RAB33B: variants seen among roughly 807,000 people sequenced by gnomAD.
RAB33B encodes the protein ras-related protein Rab-33B.
RAB33B carries 6 observed loss-of-function variants against 15.0 expected under a neutral mutation model. The observed-to-expected ratio is 0.40, with a 90% CI of 0.22 to 0.79. The LOEUF (loss-of-function observed/expected upper bound fraction) is 0.79. Ranked by LOEUF, RAB33B falls within the 30% of genes least tolerant of loss-of-function variation. RAB33B has a pLI of 0.37. For synonymous variants in RAB33B, 117 were observed against 108.3 expected, an observed-to-expected ratio of 1.08 and a Z score of -0.50; for missense variants, 257 against 296.4, an observed-to-expected ratio of 0.87 and a Z score of 0.98.
intron 1 of RAB33B, among the ~76,000 whole-genome samples, chr4:139,459,470 G>T (rs1750128881): frequency 6.6e-6 from 1 of 152,014 alleles, no homozygotes; most frequent in Non-Finnish European, 1.5e-5. Flanking sequence ...CACACCTCCA[G>T]TCAGCTTCCT....
the RAB33B span, among the ~76,000 whole-genome samples, chr4:139,442,749 G>A: frequency 2.6e-5 from 4 of 152,106 alleles, no homozygotes; most frequent in Admixed American, 1.3e-4. Flanking sequence ...TTGTGATGGT[G>A]TGAGTTAAAA....
intron 1 of RAB33B, among the ~76,000 whole-genome samples, chr4:139,471,714 C>T (rs550664927): frequency 4.1e-4 from 62 of 152,152 alleles, no homozygotes; most frequent in Non-Finnish European, 5.6e-4. Flanking sequence ...GCTGAGCTAC[C>T]GCATCTGGCT....
At chr4:139,459,795 C>G (rs1178519036) in intron 1 of RAB33B, among the ~76,000 whole-genome samples, 1 of 151,958 alleles carries the variant, frequency 6.6e-6, no homozygotes, top group Non-Finnish European at 1.5e-5. Context: ...CACCCCACCC[C>G]GCTAATTTTT....
Position 139,473,378 on chromosome 4 carries a change from C to A in RAB33B, c.*252C>A. 2.2e-6 allele frequency: 1 copy of A among 457,848 alleles called. No homozygotes were observed. Among genetic ancestry groups the A allele is most frequent in the Non-Finnish European group, 3.8e-6 (1 of 259,810 alleles). 28.4% of individuals were successfully genotyped at this position (457,848 alleles called of 1,614,324 possible). A position where few individuals can be genotyped will look rare whatever the true frequency, so the allele number is the denominator to read the frequency against. On this transcript the variant is annotated 3_prime_UTR_variant, in exon 2 of 2. Coordinates refer to ENST00000305626, the MANE Select transcript of RAB33B (RefSeq NM_031296.3). The stretch of plus-strand genomic sequence containing the variant: ...TCTGAACATCTCTCCATCTAGAGCC[C>A]AATGAAGGAAGCTTCAAATGAGAAC...
At chr4:139,470,113 A>G (rs758409002) in intron 1 of RAB33B, among the ~76,000 whole-genome samples, 1 of 152,246 alleles carries the variant, frequency 6.6e-6, no homozygotes. Flanking sequence ...AAAGCCAGCC[A>G]GGCCTGTGTC....
chr4:139,442,813 C>A, the RAB33B span, among the ~76,000 whole-genome samples: 3 of 152,112 alleles, frequency 2.0e-5, no homozygotes, highest in East Asian at 5.8e-4. Flanking sequence ...TCCATTAGTT[C>A]TTTCCCTCTA....
intron 1 of RAB33B, among the ~76,000 whole-genome samples, chr4:139,471,432 CTG>C (rs1299644607): frequency 6.6e-6 from 1 of 151,852 alleles, no homozygotes; most frequent in Non-Finnish European, 1.5e-5. Flanking sequence ...CAATTCAGGA[CTG>C]TTTTTTCTAT....
upstream of RAB33B, chr4:139,453,652 A>C (rs924295162): frequency 6.6e-6 from 1 of 151,702 alleles, no homozygotes; most frequent in African/African-American, 2.4e-5. Context: ...GCCGGAACCG[A>C]CCCGACGCCG....
chr4:139,458,898 C>G (rs889259035), intron 1 of RAB33B, among the ~76,000 whole-genome samples: 4 of 152,216 alleles, frequency 2.6e-5, no homozygotes, highest in African/African-American at 9.6e-5. Context: ...TGTCTTTTCT[C>G]TGCAACTTTG....
At chr4:139,471,411 G>C (rs957697029) in intron 1 of RAB33B, among the ~76,000 whole-genome samples, 1 of 152,126 alleles carries the variant, frequency 6.6e-6, no homozygotes, top group Admixed American at 6.5e-5. Context: ...GGTGCAGGGG[G>C]TGGGTGTTGG....
chr4:139,448,042 A>C, the RAB33B span, among the ~76,000 whole-genome samples: 1 of 152,222 alleles, frequency 6.6e-6, no homozygotes, highest in Non-Finnish European at 1.5e-5. Flanking sequence ...TGGACCATCA[A>C]GATGAAATCA....
chr4:139,472,159 G>A (rs955944203), intron 1 of RAB33B, among the ~76,000 whole-genome samples: 1 of 152,080 alleles, frequency 6.6e-6, no homozygotes, highest in Admixed American at 6.5e-5. Flanking sequence ...TCTATGTTGA[G>A]CATTTTTATT....
chr4:139,443,939 C>T, the RAB33B span, among the ~76,000 whole-genome samples: 2 of 152,168 alleles, frequency 1.3e-5, no homozygotes, highest in Admixed American at 6.5e-5. Flanking sequence ...ACCCCCAATA[C>T]CCTTGTTTGC....
intron 1 of RAB33B, among the ~76,000 whole-genome samples, chr4:139,471,077 C>G (rs984288414): frequency 4.6e-5 from 7 of 152,178 alleles, no homozygotes; most frequent in African/African-American, 7.2e-5. Flanking sequence ...TCCTGTCTGC[C>G]CCAGCGCACT....
chr4:139,473,049 T>C lies in RAB33B; in HGVS notation c.613T>C (p.Leu205=), dbSNP rs1410035502. 7 of 1,613,990 alleles carry C rather than the reference T, an allele frequency of 4.3e-6. No homozygotes were observed. Among genetic ancestry groups the C allele is most frequent in the African/African-American group, 1.3e-5 (1 of 74,920 alleles). The change falls in exon 2 of 2, where the codon TTA becomes CTA. Residue 205 remains leucine, a synonymous_variant. Transcript: ENST00000305626. The part of the protein sequence containing the change: ...LAHKLKSHKP[L]MLSQPPDNGI... ...TCATAAGCTTAAGAGCCACAAACCA[T>C]TAATGCTTAGTCAGCCCCCTGATAA...
upstream of RAB33B, chr4:139,450,301 G>A (rs1046092212): frequency 6.6e-6 from 1 of 152,164 alleles, no homozygotes; most frequent in African/African-American, 2.4e-5. Context: ...TGATGTCTGG[G>A]GTTACCAAAC....
intron 1 of RAB33B, among the ~76,000 whole-genome samples, chr4:139,454,824 T>A (rs1414898041): frequency 6.6e-6 from 1 of 152,136 alleles, no homozygotes; most frequent in African/African-American, 2.4e-5. Flanking sequence ...GGAAAAACAG[T>A]GAAATTGCGC....
At chr4:139,441,707 A>C in the RAB33B span, among the ~76,000 whole-genome samples, 2 of 152,228 alleles carry the variant, frequency 1.3e-5, no homozygotes, top group Admixed American at 6.5e-5. Flanking sequence ...CCTCACTGTA[A>C]GTCGAGAAGC....
chr4:139,457,510 C>CT (rs945115704), intron 1 of RAB33B, among the ~76,000 whole-genome samples: 2 of 152,154 alleles, frequency 1.3e-5, no homozygotes, highest in Admixed American at 1.3e-4. Context: ...TAGTAGCTTA[C>CT]TTTTTTGTAG....
Sources: allele counts gnomAD v4.1 joint callset (sites outside exome capture counted in the v4.1 genomes callset), GRCh38; gene constraint gnomAD v4.1.1; transcripts MANE v1.5; gene names NCBI Gene and HGNC (gene_info 2026-07-23, HGNC 2026-07-21).